Variants in PARP4 observed in about 807,000 individuals in gnomAD.
The protein encoded by PARP4 is protein mono-ADP-ribosyltransferase PARP4.
A neutral mutation model predicts 187.7 loss-of-function variants in PARP4; 120 were observed. The observed-to-expected ratio is 0.64, with a 90% CI of 0.55 to 0.74. The LOEUF (loss-of-function observed/expected upper bound fraction) is 0.74, where lower values mean the gene tolerates loss of function less well. PARP4 is among the 30% of genes least tolerant of loss of function. The pLI is 0.00. For synonymous variants in PARP4, 654 were observed against 740.9 expected (o/e 0.88, Z 1.90); for missense variants, 1,836 against 2,070.5 (o/e 0.89, Z 2.20).
chr13:24,459,330 T>A lies in PARP4; in HGVS notation c.2299-20A>T. ...TGTATCCTGTTAAAAGAAAAATACA[T>A]TTGTATAACTAAGCATATATTAAGT... is the stretch of plus-strand genomic sequence containing the variant. On this transcript the variant is annotated intron_variant, in intron 18 of 33. Coordinates refer to ENST00000381989, the MANE Select transcript of PARP4 (RefSeq NM_006437.4). 1 of 1,520,654 alleles carries A rather than the reference T, an allele frequency of 6.6e-7. No individual in the cohort carries two copies. Among genetic ancestry groups the A allele is most frequent in the East Asian group, 2.3e-5 (1 of 44,088 alleles). The allele number at this position is 1,520,654 out of a possible 1,614,324, so 94.2% of individuals were successfully genotyped here. A position where few individuals can be genotyped will look rare whatever the true frequency, so the allele number is the denominator to read the frequency against.
At chr13:24,468,695 C>T (rs951158865) in intron 17 of PARP4, among the ~76,000 whole-genome samples, 6 of 152,172 alleles carry the variant, frequency 3.9e-5, no homozygotes, top group African/African-American at 7.2e-5. Context: ...TAAGTCATTG[C>T]GCCCAGCCAG....
Position 24,452,552 on chromosome 13 carries a change from T to A in PARP4, c.2868A>T (p.Thr956=), listed in dbSNP as rs1175542838. 1 of 1,613,904 alleles carries A rather than the reference T, an allele frequency of 6.2e-7. No individual in the cohort carries two copies. The change falls in exon 24 of 34, where the codon ACA becomes ACT. Residue 956 remains threonine (T), a synonymous_variant. Coordinates refer to ENST00000381989, the MANE Select transcript of PARP4 (RefSeq NM_006437.4). ...GGTACAATAAGCTAAGATATCGGAG[T>A]GTTTTCCAGAAGTCTGTGTTCCCCA... is the stretch of plus-strand genomic sequence containing the variant. The part of the protein sequence containing the change: ...PTMGNTDFWK[T]LRYLSLLYPA...
chr13:24,477,806 T>C lies in PARP4; in HGVS notation c.1684A>G (p.Ile562Val), dbSNP rs2137511149. 2 of 1,577,832 alleles carry C rather than the reference T, an allele frequency of 1.3e-6. No individual in the cohort carries two copies. Among genetic ancestry groups the C allele is most frequent in the Middle Eastern group, 1.7e-4 (1 of 5,992 alleles). ...KTNQVKMKYIIKFSMPGDQIK... is the reference protein window; with the variant it reads ...KTNQVKMKYIVKFSMPGDQIK... ...TGATCTCCAGGCATGGAAAATTTAA[T>C]AATATATTTCATTTTAACCTGATTG... The change falls in exon 14 of 34, where the codon ATT (isoleucine) becomes GTT (valine). Residue 562 changes from isoleucine (I) to valine (V), a missense_variant. Physicochemically the swap from Ile to Val is conservative, Grantham distance 29. Around this residue, in one of 8 missense-constraint regions of PARP4, gnomAD observed 1,147 missense variants for 1,214.2 expected, o/e 0.94. Transcript: ENST00000381989.
At chr13:24,467,068 G>A (rs1872514742) in intron 17 of PARP4, among the ~76,000 whole-genome samples, 2 of 152,180 alleles carry the variant, frequency 1.3e-5, no homozygotes, top group African/African-American at 4.8e-5. Context: ...AGTAGTATAG[G>A]GTTATAGTGA....
chr13:24,447,260 G>C (rs1871263591), intron 25 of PARP4, 74 bp from the exon 26 acceptor site: 2 of 1,104,316 alleles, frequency 1.8e-6, no homozygotes, highest in African/African-American at 3.3e-5. Context: ...TTAAAATAAA[G>C]TATACATTCT....
At chr13:24,443,875 G>A in intron 27 of PARP4, 145 bp from the exon 28 acceptor site, 1 of 621,472 alleles carries the variant, frequency 1.6e-6, no homozygotes, top group Non-Finnish European at 2.9e-6. Context: ...AGTCTTAAGG[G>A]ATGTATACAG....
At chr13:24,496,247 T>G (rs1266644744) in intron 6 of PARP4, among the ~76,000 whole-genome samples, 2 of 152,076 alleles carry the variant, frequency 1.3e-5, no homozygotes. Context: ...AACTATATCC[T>G]CCACAAAATC....
Position 24,425,569 on chromosome 13 carries a change from GTATA to G in PARP4, c.4979+893_4979+896del, listed in dbSNP as rs545217953. 3.8e-3 allele frequency among the ~76,000 whole-genome samples: 526 copies of G among 136,776 alleles called. 2 individuals carry two copies. The highest frequency in any genetic ancestry group is 0.011 in the African/African-American group (380 of 35,464). 89.7% of individuals were successfully genotyped at this position (136,776 alleles called of 152,430 possible). A position where few individuals can be genotyped will look rare whatever the true frequency, so the allele number is the denominator to read the frequency against. On this transcript the variant is annotated intron_variant, in intron 33 of 33. Coordinates refer to ENST00000381989, the MANE Select transcript of PARP4 (RefSeq NM_006437.4). ...TGTGTGTGTGTGTGTGTGTGTGTGTGTATATCTATATCTATATCTATATCTATAT... is the reference window on the plus strand; with the variant it reads ...TGTGTGTGTGTGTGTGTGTGTGTGTGTCTATATCTATATCTATATCTATAT...
At chr13:24,497,707 G>C (rs576235142) in intron 6 of PARP4, among the ~76,000 whole-genome samples, 34 of 152,214 alleles carry the variant, frequency 2.2e-4, no homozygotes, top group Non-Finnish European at 3.8e-4. Flanking sequence ...CAACGGGATT[G>C]TGTTTGGAGA....
chr13:24,424,989 A>G (rs542911895), intron 33 of PARP4, among the ~76,000 whole-genome samples: 1 of 151,602 alleles, frequency 6.6e-6, no homozygotes, highest in East Asian at 2.0e-4. Context: ...GGCCAGTACT[A>G]TGTTTTAAAT....
chr13:24,425,734 C>T (rs539529487), intron 33 of PARP4, among the ~76,000 whole-genome samples: 74 of 152,092 alleles, frequency 4.9e-4, no homozygotes, highest in Non-Finnish European at 9.1e-4. Flanking sequence ...ACTCCAGCAT[C>T]CCTGACCACA....
intron 30 of PARP4, among the ~76,000 whole-genome samples, chr13:24,441,267 G>GT (rs1186794877): frequency 6.6e-6 from 1 of 152,200 alleles, no homozygotes; most frequent in Non-Finnish European, 1.5e-5. Context: ...GCTTCCCAAA[G>GT]TGCTGGGATT....
At chr13:24,498,598 A>C (rs1476653329) in intron 5 of PARP4, among the ~76,000 whole-genome samples, 1 of 152,114 alleles carries the variant, frequency 6.6e-6, no homozygotes, top group Non-Finnish European at 1.5e-5. Flanking sequence ...ATTTATATCT[A>C]TATATATATT....
chr13:24,468,679 C>T (rs1014730579), intron 17 of PARP4, among the ~76,000 whole-genome samples: 2 of 152,204 alleles, frequency 1.3e-5, no homozygotes, highest in African/African-American at 4.8e-5. Context: ...GCTGGGATTA[C>T]AGGCATAAGT....
At chr13:24,473,534 TCCAGCAATTCCCCTCTCCCAGGTC>T in intron 15 of PARP4, among the ~76,000 whole-genome samples, 1 of 151,618 alleles carries the variant, frequency 6.6e-6, no homozygotes, top group African/African-American at 2.4e-5. Flanking sequence ...AGGAAGCAGT[TCCAGCAATTCCCCTCTCCCAGGTC>T]GCCAGGTTTC....
intron 6 of PARP4, 41 bp from the exon 7 acceptor site, chr13:24,494,763 A>G (rs753027189): frequency 3.5e-6 from 5 of 1,413,264 alleles, no homozygotes; most frequent in Non-Finnish European, 4.9e-6. Context: ...GTCATTATTT[A>G]CATATCTAGC....
rs1870331989 is a variant in PARP4 at position 24,431,494 on chromosome 13, C to G, written c.4747-18G>C. The G allele has an allele frequency of 6.9e-7, 1 of 1,456,320 alleles. No homozygotes were observed. The highest frequency in any genetic ancestry group is 1.4e-5 in the African/African-American group (1 of 70,970). 90.2% of individuals were successfully genotyped at this position (1,456,320 alleles called of 1,614,324 possible). On this transcript the variant is annotated intron_variant, in intron 31 of 33. Coordinates refer to ENST00000381989, the MANE Select transcript of PARP4 (RefSeq NM_006437.4). ...AAGCCATCCTACAAAATTAAGGAAA[C>G]AAAAATAAGTTATGTTATTCACATT...
intron 2 of PARP4, among the ~76,000 whole-genome samples, chr13:24,502,873 T>G (rs1869381378): frequency 6.6e-6 from 1 of 152,042 alleles, no homozygotes; most frequent in African/African-American, 2.4e-5. Flanking sequence ...TCAGCTGGAG[T>G]TGAACACGCT....
rs1258279938 is a variant in PARP4, at chr13:24,478,159, T to C, written c.1566A>G (p.Glu522=). The change falls in exon 13 of 34, where the codon GAA becomes GAG. Residue 522 remains glutamate, a synonymous_variant. Transcript: ENST00000381989. ...GCACACTGTCGTAGCCTGGTGGTGC[T>C]TCAGTTAAGGAAAAGTCCTTCTCAT... ...DLHEKDFSLT[E]APPGYDSVHG... The C allele has an allele frequency of 6.2e-7, 1 of 1,613,790 alleles. No individual in the cohort carries two copies. Among genetic ancestry groups the C allele is most frequent in the African/African-American group, 1.3e-5 (1 of 75,042 alleles).
Sources: allele counts gnomAD v4.1 joint callset (sites outside exome capture counted in the v4.1 genomes callset), GRCh38; gene constraint gnomAD v4.1.1; regional missense constraint gnomAD v4.1.1; transcripts MANE v1.5; gene names NCBI Gene and HGNC (gene_info 2026-07-23, HGNC 2026-07-21).